Variants in GPC5 observed in about 807,000 individuals in gnomAD.
GPC5 encodes the protein glypican-5.
Under a neutral mutation model 53.9 loss-of-function variants are expected in GPC5, and 47 were observed. That is an observed-to-expected ratio of 0.87 (90% CI 0.69 to 1.11). The LOEUF (loss-of-function observed/expected upper bound fraction) is 1.11. GPC5 is among the 50% of genes most tolerant of loss of function. GPC5 has a pLI of 0.00. For missense variants in GPC5, 748 were observed against 713.1 expected, an observed-to-expected ratio of 1.05 and a Z score of -0.56; for synonymous variants, 286 against 263.3, an observed-to-expected ratio of 1.09 and a Z score of -0.84.
At chr13:92,418,529 C>T (rs1211651897) in intron 7 of GPC5, among the ~76,000 whole-genome samples, 1 of 151,984 alleles carries the variant, frequency 6.6e-6, no homozygotes, top group Non-Finnish European at 1.5e-5. Flanking sequence ...GATAGAGATC[C>T]TGAGATCATT....
intron 2 of GPC5, among the ~76,000 whole-genome samples, chr13:91,590,953 C>T (rs1186673302): frequency 6.6e-6 from 1 of 152,112 alleles, no homozygotes; most frequent in Non-Finnish European, 1.5e-5. Flanking sequence ...TGTCTCTGTT[C>T]CTTCCTAGTT....
chr13:92,314,996 C>T (rs9523623), intron 7 of GPC5, among the ~76,000 whole-genome samples: 14,138 of 152,048 alleles, frequency 0.093, 737 homozygotes, highest in Middle Eastern at 0.15. Context: ...AGGCTGGTCT[C>T]GAACTCTTAG....
intron 7 of GPC5, among the ~76,000 whole-genome samples, chr13:92,850,340 C>A (rs914641288): frequency 1.3e-5 from 2 of 152,140 alleles, no homozygotes. Context: ...TTATTCACAC[C>A]TGTAATCCAA....
At chr13:92,688,138 T>C (rs1887295905) in intron 7 of GPC5, among the ~76,000 whole-genome samples, 1 of 43,714 alleles carries the variant, frequency 2.3e-5, no homozygotes, top group Non-Finnish European at 3.5e-5. Flanking sequence ...TCAGAAGGAA[T>C]GGTACCAGTT....
intron 2 of GPC5, among the ~76,000 whole-genome samples, chr13:91,687,308 C>A (rs1460585477): frequency 6.6e-6 from 1 of 151,842 alleles, no homozygotes; most frequent in Non-Finnish European, 1.5e-5. Flanking sequence ...TTATCTCTAC[C>A]AGTTTTATTT....
chr13:92,786,280 C>A lies in GPC5; in HGVS notation c.1562-80002C>A, dbSNP rs374271313. Among the ~76,000 whole-genome samples, 6 of 152,008 alleles carry A rather than the reference C, an allele frequency of 3.9e-5. No homozygotes were observed. In the East Asian group the frequency reaches 7.7e-4, roughly 20 times the overall value. On this transcript the variant is annotated intron_variant, in intron 7 of 7. Transcript: ENST00000377067. ...AGGCATGTGTACAGCTGAATTGCAGCGGTTTTGCGAAGTTCTTACTCAGAG... is the reference window on the plus strand; with the variant it reads ...AGGCATGTGTACAGCTGAATTGCAGAGGTTTTGCGAAGTTCTTACTCAGAG...
At chr13:92,390,342 C>T (rs576025400) in intron 7 of GPC5, among the ~76,000 whole-genome samples, 13 of 152,152 alleles carry the variant, frequency 8.5e-5, no homozygotes, top group Admixed American at 2.0e-4. Context: ...AAAGAAAATA[C>T]GGTTTGTGGG....
intron 7 of GPC5, among the ~76,000 whole-genome samples, chr13:92,696,697 T>C (rs1353803171): frequency 6.6e-6 from 1 of 152,200 alleles, no homozygotes; most frequent in Non-Finnish European, 1.5e-5. Context: ...AGCTCTTCAG[T>C]GTAATAAGAT....
chr13:92,575,284 G>A (rs1188465846), intron 7 of GPC5, among the ~76,000 whole-genome samples: 2 of 152,168 alleles, frequency 1.3e-5, no homozygotes, highest in Non-Finnish European at 2.9e-5. Flanking sequence ...GACCATCCTG[G>A]ACTTAGGGTC....
chr13:92,358,527 G>C (rs1424368115), intron 7 of GPC5, among the ~76,000 whole-genome samples: 1 of 151,742 alleles, frequency 6.6e-6, no homozygotes, highest in South Asian at 2.1e-4. Flanking sequence ...GCACTACCCT[G>C]GTAAAAGTTC....
At chr13:91,835,269 CACT>C (rs2038710479) in intron 5 of GPC5, among the ~76,000 whole-genome samples, 1 of 152,148 alleles carries the variant, frequency 6.6e-6, no homozygotes, top group African/African-American at 2.4e-5. Context: ...GAAATAGGAA[CACT>C]TTTACACTGT....
chr13:91,928,378 A>G (rs1452095516), intron 6 of GPC5, among the ~76,000 whole-genome samples: 1 of 152,198 alleles, frequency 6.6e-6, no homozygotes, highest in Non-Finnish European at 1.5e-5. Context: ...GAATAACTCT[A>G]TATGACTCCA....
intron 6 of GPC5, among the ~76,000 whole-genome samples, chr13:92,022,290 C>T (rs966308338): frequency 2.0e-5 from 3 of 152,114 alleles, no homozygotes; most frequent in South Asian, 2.1e-4. Flanking sequence ...GGTGAGCCAC[C>T]GTGCCTGGCC....
At chr13:92,394,809 C>T (rs1247843395) in intron 7 of GPC5, among the ~76,000 whole-genome samples, 1 of 152,050 alleles carries the variant, frequency 6.6e-6, no homozygotes, top group Non-Finnish European at 1.5e-5. Context: ...ACAATAAAAT[C>T]CATTTAATAA....
intron 2 of GPC5, among the ~76,000 whole-genome samples, chr13:91,667,226 A>G (rs1300005319): frequency 1.3e-5 from 2 of 152,148 alleles, no homozygotes; most frequent in Non-Finnish European, 2.9e-5. Context: ...TTTGCTCCTA[A>G]TGTATCACTT....
intron 3 of GPC5, among the ~76,000 whole-genome samples, chr13:91,700,648 C>T (rs2035973202): frequency 6.6e-6 from 1 of 152,134 alleles, no homozygotes. Context: ...CCATCTTTGC[C>T]TTTAAGTATT....
In GPC5 at chr13:92,663,856, C is replaced by CTATA. The variant is rs201565650; in HGVS notation, c.1562-202381_1562-202378dup. 7.1e-3 allele frequency among the ~76,000 whole-genome samples: 623 copies of CTATA among 88,054 alleles called. 5 individuals are homozygous for CTATA. Among genetic ancestry groups the CTATA allele is most frequent in the African/African-American group, 0.012 (243 of 20,608 alleles). 57.8% of individuals were successfully genotyped at this position (88,054 alleles called of 152,430 possible). A position where few individuals can be genotyped will look rare whatever the true frequency, so the allele number is the denominator to read the frequency against. The stretch of plus-strand genomic sequence containing the variant: ...CACTATATATATATACACACACACA[C>CTATA]TATATATATATATATATATATATAT... On this transcript the variant is annotated intron_variant, in intron 7 of 7. Coordinates refer to ENST00000377067, the MANE Select transcript of GPC5 (RefSeq NM_004466.6).
intron 6 of GPC5, among the ~76,000 whole-genome samples, chr13:92,054,580 A>G (rs2041059410): frequency 1.3e-5 from 2 of 152,198 alleles, no homozygotes; most frequent in African/African-American, 4.8e-5. Flanking sequence ...TATAACCCAC[A>G]TTATAGAGAC....
At chr13:92,680,604 T>C (rs1437120929) in intron 7 of GPC5, among the ~76,000 whole-genome samples, 1 of 152,198 alleles carries the variant, frequency 6.6e-6, no homozygotes. Context: ...ACCTCATTCT[T>C]TCCATCAAAT....
Sources: allele counts gnomAD v4.1 joint callset (sites outside exome capture counted in the v4.1 genomes callset), GRCh38; gene constraint gnomAD v4.1.1; transcripts MANE v1.5; gene names NCBI Gene and HGNC (gene_info 2026-07-23, HGNC 2026-07-21).